PAF1: variants seen among roughly 807,000 people sequenced by gnomAD.
PAF1 encodes RNA polymerase II-associated factor 1 homolog.
In PAF1, 31 loss-of-function variants were observed where a neutral mutation model predicts 68.4. The observed-to-expected ratio is 0.45, with a 90% CI of 0.34 to 0.61. The LOEUF is 0.61. Ranked by LOEUF, PAF1 falls within the 20% of genes least tolerant of loss-of-function variation. The pLI is 0.01. For missense variants in PAF1, 435 were observed against 692.9 expected, an observed-to-expected ratio of 0.63 and a Z score of 4.18; for synonymous variants, 256 against 240.5, an observed-to-expected ratio of 1.06 and a Z score of -0.60.
intron 11 of PAF1, chr19:39,387,200 G>GTT (rs1017927548): frequency 6.8e-6 from 3 of 439,366 alleles, no homozygotes; most frequent in Admixed American, 2.5e-5. Flanking sequence ...AGGCTACAAG[G>GTT]TTGTACAGCA....
intron 2 of PAF1, 41 bp downstream of exon 2, chr19:39,390,219 C>T: frequency 6.2e-7 from 1 of 1,613,480 alleles, no homozygotes; most frequent in South Asian, 1.1e-5. Flanking sequence ...GCTCCCAGCC[C>T]CACTGCCCCA....
At position 39,386,713 on chromosome 19, in the gene PAF1, T is replaced by G. The variant is rs1344035895; in HGVS notation, c.1073A>C (p.Glu358Ala). ...TGTTACCTGAGCTTCCAGTTCCTTC[T>G]CATTCATGTCCCGATGTTTGACCAC... ...LLVVKHRDMN[E>A]KELEAQEARK... The change falls in exon 12 of 14, where the codon GAG becomes GCG. Residue 358 changes from glutamate (E) to alanine (A), a missense_variant. Physicochemically the swap from Glu to Ala is moderately radical, Grantham distance 107. Around this residue, in one of 7 missense-constraint regions of PAF1, gnomAD observed 151 missense variants for 306.3 expected, o/e 0.49. Transcript: ENST00000221265. This position sits in a 1 kb window ranked among gnomAD's most constrained non-coding sequence, Gnocchi z 6.1. 1 of 1,613,656 alleles carries G rather than the reference T, an allele frequency of 6.2e-7. No homozygotes were observed. Among genetic ancestry groups the G allele is most frequent in the Non-Finnish European group, 8.5e-7 (1 of 1,179,674 alleles).
rs866940448 is a variant in PAF1 at position 39,390,833 on chromosome 19, C to G, written c.32G>C (p.Arg11Pro). 3.8e-6 allele frequency: 6 copies of G among 1,586,974 alleles called. No individual in the cohort carries two copies. The highest frequency in any genetic ancestry group is 3.5e-5 in the South Asian group (3 of 86,930). ...TGGCGCCTACCTGTGGCCATCCTCC[C>G]GCTGGGCCTGGGTCTGGATGGTGGG... MAPTIQTQAQ[R>P]EDGHRPNSHR... The change falls in exon 1 of 14, where the codon CGG (arginine) becomes CCG (proline). Residue 11 changes from arginine (R) to proline (P), a missense_variant. This residue lies in a region of PAF1 where 38 missense variants were observed against 33.9 expected (regional missense o/e 1.12). Transcript: ENST00000221265.
Position 39,389,874 on chromosome 19 carries a change from T to C in PAF1, c.171-113A>G. 1 of 1,430,284 alleles carries C rather than the reference T, an allele frequency of 7.0e-7. No homozygotes were observed. Among genetic ancestry groups the C allele is most frequent in the Non-Finnish European group, 9.8e-7 (1 of 1,020,132 alleles). 88.6% of individuals were successfully genotyped at this position (1,430,284 alleles called of 1,614,324 possible). On this transcript the variant is annotated intron_variant, in intron 3 of 13. Coordinates refer to ENST00000221265, the MANE Select transcript of PAF1 (RefSeq NM_019088.4). This position sits in a 1 kb window ranked among gnomAD's most constrained non-coding sequence, Gnocchi z 5.3. ...GGAACTCAGAATGAAGTGTCCCCCATGGCAGAGTCTGAAAGCTGGCTCCCC... is the reference window on the plus strand; with the variant it reads ...GGAACTCAGAATGAAGTGTCCCCCACGGCAGAGTCTGAAAGCTGGCTCCCC...
chr19:39,386,660 G>A lies in PAF1; in HGVS notation c.1092+34C>T. On this transcript the variant is annotated intron_variant, in intron 12 of 13. Transcript: ENST00000221265. This position sits in a 1 kb window ranked among gnomAD's most constrained non-coding sequence, Gnocchi z 6.1. ...CTCACCTACAACCACCACCCTCCCTGCCATGGGTGCCCTGAGCCAGTGGTG... is the reference window on the plus strand; with the variant it reads ...CTCACCTACAACCACCACCCTCCCTACCATGGGTGCCCTGAGCCAGTGGTG... 6.3e-7 allele frequency: 1 copy of A among 1,592,564 alleles called. No individual in the cohort carries two copies. Among genetic ancestry groups the A allele is most frequent in the Admixed American group, 1.7e-5 (1 of 59,998 alleles).
intron 1 of PAF1, 115 bp from the exon 2 acceptor site, chr19:39,390,404 G>C (rs2078354226): frequency 2.0e-6 from 2 of 986,506 alleles, no homozygotes; most frequent in East Asian, 5.2e-5. Context: ...TGGTTTCTTT[G>C]GGTGGTGGTG....
chr19:39,389,368 C>T lies in PAF1; in HGVS notation c.375G>A (p.Ala125=), dbSNP rs1316950679. Residue 125 remains alanine, a synonymous_variant, in exon 6 of 14, where the codon GCG becomes GCA. Transcript: ENST00000221265. This position sits in a 1 kb window ranked among gnomAD's most constrained non-coding sequence, Gnocchi z 5.3. The part of the protein sequence containing the change: ...PTSSKRSQQH[A]KVVPWMRKTE... ...TCTTTCGCATCCATGGCACCACCTTCGCGTGCTGCTGGGATCTGGGGTGGG... is the reference window on the plus strand; with the variant it reads ...TCTTTCGCATCCATGGCACCACCTTTGCGTGCTGCTGGGATCTGGGGTGGG... The T allele has an allele frequency of 6.2e-6, 10 of 1,614,004 alleles. No individual in the cohort carries two copies. Among genetic ancestry groups the T allele is most frequent in the Admixed American group, 1.7e-5 (1 of 59,994 alleles).
chr19:39,388,512 A>AATCCCC, intron 10 of PAF1, 45 bp from the exon 11 acceptor site: 2 of 1,612,944 alleles, frequency 1.2e-6, no homozygotes, highest in Non-Finnish European at 1.7e-6. Flanking sequence ...TCCCTATCCC[A>AATCCCC]ATCCCCAAAA....
rs753613265 is a variant in PAF1 at position 39,388,848 on chromosome 19, A to C, written c.654T>G (p.Cys218Trp). ...FPDFKMWINP[C>W]AQVIFDSDPA... is the part of the protein sequence containing the mutation. ...GGTCTGAGTCAAAGATCACCTGAGC[A>C]CATGGATTGATCCACATCTAGGGAG... is the stretch of plus-strand genomic sequence containing the variant. Residue 218 changes from cysteine (C) to tryptophan (W), a missense_variant, in exon 9 of 14, where the codon TGT becomes TGG. Transcript: ENST00000221265. 1 of 1,614,170 alleles carries C rather than the reference A, an allele frequency of 6.2e-7. No homozygotes were observed. Among genetic ancestry groups the C allele is most frequent in the South Asian group, 1.1e-5 (1 of 91,084 alleles).
intron 11 of PAF1, among the ~76,000 whole-genome samples, 173 bp downstream of exon 11, chr19:39,388,163 GCTC>G (rs2078294374): frequency 6.6e-6 from 1 of 152,048 alleles, no homozygotes; most frequent in African/African-American, 2.4e-5. Flanking sequence ...TTTTTTTCTG[GCTC>G]CTCCTGTTAG....
Position 39,385,798 on chromosome 19 carries a change from G to A in PAF1, c.*193C>T. 1.3e-6 allele frequency: 1 copy of A among 773,904 alleles called. No homozygotes were observed. The highest frequency in any genetic ancestry group is 2.0e-6 in the Non-Finnish European group (1 of 494,486). The allele number at this position is 773,904 out of a possible 1,614,324, so 47.9% of individuals were successfully genotyped here. A position where few individuals can be genotyped will look rare whatever the true frequency, so the allele number is the denominator to read the frequency against. On this transcript the variant is annotated 3_prime_UTR_variant, in exon 14 of 14. Transcript: ENST00000221265. ...AGCCAAGATCCTTGAGCACCTGGGG[G>A]TTGCGGGAGGTATGTGCTGGGCTGA...
rs2078334707 is a variant in PAF1, at chr19:39,389,843, T to TG, written c.171-83dup. On this transcript the variant is annotated intron_variant, in intron 3 of 13. Transcript: ENST00000221265. This position sits in a 1 kb window ranked among gnomAD's most constrained non-coding sequence, Gnocchi z 5.3. Reference sequence around the variant, plus strand: ...CTGCTTCCCAGAGGCGGAGCTTCTCTGGGGAGGAACTCAGAATGAAGTGTC... The same window carrying TG: ...CTGCTTCCCAGAGGCGGAGCTTCTCTGGGGGAGGAACTCAGAATGAAGTGTC... The TG allele has an allele frequency of 6.3e-7, 1 of 1,578,978 alleles. No individual in the cohort carries two copies. The highest frequency in any genetic ancestry group is 1.3e-5 in the African/African-American group (1 of 74,170).
At chr19:39,387,725 C>G (rs1035372036) in intron 11 of PAF1, among the ~76,000 whole-genome samples, 3 of 152,224 alleles carry the variant, frequency 2.0e-5, no homozygotes, top group Non-Finnish European at 4.4e-5. Context: ...TTAAAACATT[C>G]ATGCTAATTT....
At position 39,386,666 on chromosome 19, in the gene PAF1, G is replaced by T; in HGVS notation, c.1092+28C>A. 5.6e-6 allele frequency: 9 copies of T among 1,598,982 alleles called. No individual in the cohort carries two copies. Among genetic ancestry groups the T allele is most frequent in the Non-Finnish European group, 7.7e-6 (9 of 1,166,172 alleles). On this transcript the variant is annotated intron_variant, in intron 12 of 13. Transcript: ENST00000221265. This position sits in a 1 kb window ranked among gnomAD's most constrained non-coding sequence, Gnocchi z 6.1. ...TACAACCACCACCCTCCCTGCCATG[G>T]GTGCCCTGAGCCAGTGGTGCTTGTT...
At chr19:39,387,037 T>A in intron 11 of PAF1, 3 of 580,894 alleles carry the variant, frequency 5.2e-6, no homozygotes, top group Non-Finnish European at 9.3e-6. Context: ...GTGTGTGTTA[T>A]ACGGTGTATT....
At chr19:39,387,235 C>T in intron 11 of PAF1, 1 of 410,568 alleles carries the variant, frequency 2.4e-6, no homozygotes, top group South Asian at 1.8e-5. Flanking sequence ...ATACTGCAGG[C>T]AATTGTAATA....
chr19:39,387,164 C>T (rs756515906), intron 11 of PAF1: 17 of 427,030 alleles, frequency 4.0e-5, no homozygotes, highest in Non-Finnish European at 6.9e-5. Flanking sequence ...CATACCTAGG[C>T]TGTAATGGTG....
chr19:39,388,703 G>A (rs896007262), intron 9 of PAF1, 27 bp from the exon 10 acceptor site: 1 of 1,610,712 alleles, frequency 6.2e-7, no homozygotes, highest in Non-Finnish European at 8.5e-7. Flanking sequence ...GAGTAGCAAT[G>A]AAGTGTGAGG....
In PAF1 at chr19:39,385,768, C is replaced by G. The variant is rs1452738254; in HGVS notation, c.*223G>C. ...CCTGCCTCTGGCCTGTGTTTCTAAG[C>G]CTCAAGCCAAGATCCTTGAGCACCT... is the stretch of plus-strand genomic sequence containing the variant. On this transcript the variant is annotated 3_prime_UTR_variant, in exon 14 of 14. Coordinates refer to ENST00000221265, the MANE Select transcript of PAF1 (RefSeq NM_019088.4). The G allele has an allele frequency of 1.6e-6, 1 of 637,790 alleles. No homozygotes were observed. Among genetic ancestry groups the G allele is most frequent in the Non-Finnish European group, 2.7e-6 (1 of 374,622 alleles). The allele number at this position is 637,790 out of a possible 1,614,324, so 39.5% of individuals were successfully genotyped here. A position where few individuals can be genotyped will look rare whatever the true frequency, so the allele number is the denominator to read the frequency against.
Sources: allele counts gnomAD v4.1 joint callset (sites outside exome capture counted in the v4.1 genomes callset), GRCh38; gene constraint gnomAD v4.1.1; regional missense constraint gnomAD v4.1.1; non-coding constraint Gnocchi (gnomAD v3.1); transcripts MANE v1.5; gene names NCBI Gene and HGNC (gene_info 2026-07-23, HGNC 2026-07-21).